CECR2: variants seen among roughly 807,000 people sequenced by gnomAD.
CECR2 encodes the protein CECR2 histone acetyl-lysine reader.
In CECR2, 30 loss-of-function variants were observed where a neutral mutation model predicts 154.5. The observed-to-expected ratio is 0.19, with a 90% CI of 0.15 to 0.26. The LOEUF is 0.26. CECR2 is among the 10% of genes least tolerant of loss of function. The probability of loss-of-function intolerance (pLI) is 1.00; values close to 1 mark genes in which losing one functional copy is unlikely to be tolerated. For synonymous variants in CECR2, 725 were observed against 683.7 expected (o/e 1.06, Z -0.94); for missense variants, 1,743 against 1,829.3 (o/e 0.95, Z 0.86).
At chr22:17,477,135 T>G (rs1031966375) in intron 1 of CECR2, 1 of 726,226 alleles carries the variant, frequency 1.4e-6, no homozygotes, top group Non-Finnish European at 2.6e-6. Flanking sequence ...TTAAAGCTGT[T>G]GCAGATGGTT....
At chr22:17,454,260 C>G (rs1000002778) in intron 1 of CECR2, among the ~76,000 whole-genome samples, 9 of 151,950 alleles carry the variant, frequency 5.9e-5, no homozygotes, top group Admixed American at 5.9e-4. Flanking sequence ...GATCGCACCA[C>G]TGCACCCCAG....
chr22:17,508,732 A>G lies in CECR2; in HGVS notation c.871-3081A>G, dbSNP rs560939960. Among the ~76,000 whole-genome samples, 204 of 152,300 alleles carry G rather than the reference A, an allele frequency of 1.3e-3. 2 individuals are homozygous for G. Among genetic ancestry groups the G allele is most frequent in the African/African-American group, 4.4e-3 (182 of 41,562 alleles). The stretch of plus-strand genomic sequence containing the variant: ...CTATGCCATCTAGTCCCTGAATTCT[A>G]TATTGTTGAAAACATAACAAAATCA... On this transcript the variant is annotated intron_variant, in intron 7 of 18. Transcript: ENST00000262608.
chr22:17,543,669 C>T (rs1480573534), intron 16 of CECR2, among the ~76,000 whole-genome samples: 1 of 151,370 alleles, frequency 6.6e-6, no homozygotes, highest in African/African-American at 2.4e-5. Context: ...AAGCAATTCT[C>T]CTGCCTCAGC....
At chr22:17,479,153 G>A (rs5747198) in intron 2 of CECR2, among the ~76,000 whole-genome samples, 6,293 of 152,278 alleles carry the variant, frequency 0.041, 206 homozygotes, top group East Asian at 0.22. Context: ...AATTCACCAG[G>A]TTCCTGGAAG....
intron 1 of CECR2, among the ~76,000 whole-genome samples, chr22:17,456,844 T>A (rs2054861287): frequency 6.6e-6 from 1 of 152,232 alleles, no homozygotes; most frequent in Non-Finnish European, 1.5e-5. Context: ...AGATATATTG[T>A]TACTCTTCTA....
In CECR2 at chr22:17,555,544, G is replaced by C. The variant is rs1295650929; in HGVS notation, c.*2704G>C. Reference sequence around the variant, plus strand: ...GAGCGTGAGCTGCTGTGAACCCCTAGCCCACCCATCCCCAAGCAGGATCTT... The same window carrying C: ...GAGCGTGAGCTGCTGTGAACCCCTACCCCACCCATCCCCAAGCAGGATCTT... On this transcript the variant is annotated 3_prime_UTR_variant, in exon 19 of 19. Transcript: ENST00000262608. 2 of 152,158 alleles carry C rather than the reference G, an allele frequency of 1.3e-5. No homozygotes were observed. Among genetic ancestry groups the C allele is most frequent in the Non-Finnish European group, 1.5e-5 (1 of 68,072 alleles). The allele number at this position is 152,158 out of a possible 1,614,324, so 9.4% of individuals were successfully genotyped here. A position where few individuals can be genotyped will look rare whatever the true frequency, so the allele number is the denominator to read the frequency against.
intron 1 of CECR2, among the ~76,000 whole-genome samples, chr22:17,379,537 G>A (rs970969822): frequency 1.1e-4 from 17 of 150,822 alleles, no homozygotes; most frequent in Admixed American, 2.0e-4. Context: ...TGGGGAGGGC[G>A]TTATCCATGA....
chr22:17,495,765 G>A (rs2055614224), intron 2 of CECR2, among the ~76,000 whole-genome samples: 1 of 149,520 alleles, frequency 6.7e-6, no homozygotes, highest in Non-Finnish European at 1.5e-5. Context: ...GGGAGGCTGA[G>A]GCAGGAGAAT....
At chr22:17,462,555 G>GT (rs2054958923) in intron 1 of CECR2, among the ~76,000 whole-genome samples, 1 of 152,136 alleles carries the variant, frequency 6.6e-6, no homozygotes, top group Non-Finnish European at 1.5e-5. Flanking sequence ...TTGGGCAGAG[G>GT]TTTAGTCTGT....
upstream of CECR2, among the ~76,000 whole-genome samples, chr22:17,367,590 T>C (rs2063008921): frequency 6.6e-6 from 1 of 152,156 alleles, no homozygotes; most frequent in Non-Finnish European, 1.5e-5. Context: ...TTTCACAATG[T>C]TGGCCAGGCT....
chr22:17,365,428 CT>C (rs910595044), upstream of CECR2, among the ~76,000 whole-genome samples: 2 of 152,178 alleles, frequency 1.3e-5, no homozygotes, highest in Non-Finnish European at 2.9e-5. Context: ...GACTCAGTGG[CT>C]CACGCCTGTA....
intron 2 of CECR2, among the ~76,000 whole-genome samples, chr22:17,491,947 A>G (rs942726164): frequency 2.0e-5 from 3 of 152,196 alleles, no homozygotes; most frequent in African/African-American, 4.8e-5. Flanking sequence ...TGATTTTAGT[A>G]TGTGGGATAT....
chr22:17,381,637 A>G (rs2063190459), intron 1 of CECR2, among the ~76,000 whole-genome samples: 1 of 152,124 alleles, frequency 6.6e-6, no homozygotes, highest in Non-Finnish European at 1.5e-5. Context: ...CTGAGGTTGC[A>G]GAGGTATGTG....
chr22:17,386,813 G>C (rs555420104), intron 1 of CECR2, among the ~76,000 whole-genome samples: 1 of 152,138 alleles, frequency 6.6e-6, no homozygotes, highest in Admixed American at 6.5e-5. Flanking sequence ...ACCACGCCCA[G>C]CTAATTTTTG....
intron 1 of CECR2, among the ~76,000 whole-genome samples, chr22:17,394,117 C>T (rs1237141596): frequency 4.0e-5 from 6 of 151,366 alleles, no homozygotes; most frequent in African/African-American, 7.3e-5. Context: ...GAACTCCCGA[C>T]CTCAGGTGAT....
intron 1 of CECR2, among the ~76,000 whole-genome samples, chr22:17,396,965 C>T (rs1341054702): frequency 6.6e-6 from 1 of 152,108 alleles, no homozygotes; most frequent in African/African-American, 2.4e-5. Flanking sequence ...AAAAGCCTAG[C>T]ACAGTGCATC....
At chr22:17,521,876 T>C (rs1381912331) in intron 8 of CECR2, among the ~76,000 whole-genome samples, 2 of 152,268 alleles carry the variant, frequency 1.3e-5, no homozygotes, top group South Asian at 2.1e-4. Flanking sequence ...AGGGTTTTTA[T>C]GGTTTTAGGT....
intron 8 of CECR2, among the ~76,000 whole-genome samples, chr22:17,521,501 G>A (rs948789199): frequency 7.4e-5 from 11 of 148,472 alleles, no homozygotes; most frequent in African/African-American, 2.5e-4. Flanking sequence ...CTCCAGCCTG[G>A]GTGACAGAGC....
intron 1 of CECR2, among the ~76,000 whole-genome samples, chr22:17,401,687 A>G (rs1392751681): frequency 6.6e-6 from 1 of 152,130 alleles, no homozygotes; most frequent in Non-Finnish European, 1.5e-5. Context: ...CAGTTGAGGG[A>G]TAGATAGTAC....
Sources: allele counts gnomAD v4.1 joint callset (sites outside exome capture counted in the v4.1 genomes callset), GRCh38; gene constraint gnomAD v4.1.1; transcripts MANE v1.5; gene names NCBI Gene and HGNC (gene_info 2026-07-23, HGNC 2026-07-21).